The following PLOD1 variants were observed in gnomAD, a reference collection of about 807,000 sequenced individuals.
PLOD1 encodes the protein procollagen-lysine,2-oxoglutarate 5-dioxygenase 1.
A neutral mutation model predicts 94.7 loss-of-function variants in PLOD1; 70 were observed. The ratio of observed to expected loss-of-function variants is 0.74; its 90% CI spans 0.61 to 0.90. The LOEUF (loss-of-function observed/expected upper bound fraction) is 0.90, where lower values mean the gene tolerates loss of function less well. PLOD1 is among the 40% of genes least tolerant of loss of function. The pLI, the probability that PLOD1 is intolerant of heterozygous loss-of-function variation, is 0.00. For missense variants in PLOD1, 905 were observed against 972.7 expected, an observed-to-expected ratio of 0.93 and a Z score of 0.93; for synonymous variants, 417 against 400.2, an observed-to-expected ratio of 1.04 and a Z score of -0.50.
At chr1:11,971,358 T>C (rs2100765492) in intron 17 of PLOD1, among the ~76,000 whole-genome samples, 1 of 146,830 alleles carries the variant, frequency 6.8e-6, no homozygotes, top group South Asian at 2.2e-4. Flanking sequence ...GGATATTTGG[T>C]CCCCAGGCAG....
intron 10 of PLOD1, among the ~76,000 whole-genome samples, chr1:11,962,657 A>G (rs1645787147): frequency 6.6e-6 from 1 of 151,978 alleles, no homozygotes; most frequent in Non-Finnish European, 1.5e-5. Flanking sequence ...TTGGGAGGCC[A>G]AGGATTGCTT....
intron 1 of PLOD1, among the ~76,000 whole-genome samples, chr1:11,947,256 C>A (rs1237558152): frequency 1.4e-5 from 2 of 140,502 alleles, no homozygotes; most frequent in Non-Finnish European, 3.1e-5. Context: ...AAAACAAAAA[C>A]AAACAAACAA....
chr1:11,962,567 C>T (rs1023400030), intron 10 of PLOD1, among the ~76,000 whole-genome samples: 5 of 152,116 alleles, frequency 3.3e-5, no homozygotes, highest in Non-Finnish European at 5.9e-5. Flanking sequence ...TGAGCCACCA[C>T]GCCCTGCCGA....
intron 1 of PLOD1, among the ~76,000 whole-genome samples, chr1:11,935,532 T>G (rs999512857): frequency 4.6e-5 from 7 of 152,186 alleles, no homozygotes; most frequent in Non-Finnish European, 8.8e-5. Flanking sequence ...AGTTATTTAT[T>G]TATTTTTGAG....
chr1:11,956,181 C>G (rs1462013079), intron 6 of PLOD1, among the ~76,000 whole-genome samples: 1 of 151,952 alleles, frequency 6.6e-6, no homozygotes, highest in African/African-American at 2.4e-5. Flanking sequence ...GTCATGAGTT[C>G]AAGACCAGCC....
intron 1 of PLOD1, among the ~76,000 whole-genome samples, chr1:11,946,679 A>G (rs1396820610): frequency 6.6e-6 from 1 of 152,174 alleles, no homozygotes; most frequent in Non-Finnish European, 1.5e-5. Context: ...CACACCCTCT[A>G]AAGCCAGAAA....
intron 1 of PLOD1, among the ~76,000 whole-genome samples, chr1:11,942,865 C>T (rs1358837217): frequency 1.3e-5 from 2 of 152,212 alleles, no homozygotes; most frequent in Non-Finnish European, 2.9e-5. Flanking sequence ...TCTTGTGATG[C>T]TGATGTGTGG....
At chr1:11,945,573 C>T (rs1179469980) in intron 1 of PLOD1, among the ~76,000 whole-genome samples, 1 of 152,108 alleles carries the variant, frequency 6.6e-6, no homozygotes, top group African/African-American at 2.4e-5. Context: ...GGAGAGACCC[C>T]CTCCAGTTGG....
chr1:11,958,523 C>T lies in PLOD1; in HGVS notation c.851C>T (p.Ala284Val). 7 of 1,613,762 alleles carry T rather than the reference C, an allele frequency of 4.3e-6. No individual in the cohort carries two copies. The highest frequency in any genetic ancestry group is 5.9e-6 in the Non-Finnish European group (7 of 1,179,914). ...CCGCCCTCCCTGGTGCAGGATGAAGCTCTGCCCACGGTCCTGGTCGGCGTG... is the reference window on the plus strand; with the variant it reads ...CCGCCCTCCCTGGTGCAGGATGAAGTTCTGCCCACGGTCCTGGTCGGCGTG... ...LRSLKGIGDE[A>V]LPTVLVGVFI... The change falls in exon 9 of 19, where the codon GCT becomes GTT. Residue 284 changes from alanine (A) to valine (V), a missense_variant. Transcript: ENST00000196061. This position sits in a 1 kb window ranked among gnomAD's most constrained non-coding sequence, Gnocchi z 4.3.
intron 1 of PLOD1, chr1:11,944,805 C>A: frequency 2.0e-6 from 1 of 498,006 alleles, no homozygotes. Flanking sequence ...CCGGCTACCC[C>A]TGCCCCAGCT....
At chr1:11,956,821 ACT>A in intron 6 of PLOD1, 94 bp from the exon 7 acceptor site, 1 of 800,456 alleles carries the variant, frequency 1.2e-6, no homozygotes, top group Non-Finnish European at 2.3e-6. Context: ...GACATAATCT[ACT>A]CACTGCACAG....
At chr1:11,952,037 C>T (rs984204921) in intron 4 of PLOD1, among the ~76,000 whole-genome samples, 44 of 152,230 alleles carry the variant, frequency 2.9e-4, no homozygotes, top group African/African-American at 1.1e-3. Flanking sequence ...TGCCATCTGC[C>T]CTCAACAGAC....
At chr1:11,960,169 A>C (rs1645767974) in intron 9 of PLOD1, among the ~76,000 whole-genome samples, 1 of 152,002 alleles carries the variant, frequency 6.6e-6, no homozygotes, top group Admixed American at 6.6e-5. Flanking sequence ...ACGTGGTTTC[A>C]CCATCTTGGC....
At chr1:11,956,035 T>G (rs1438750279) in intron 6 of PLOD1, among the ~76,000 whole-genome samples, 1 of 152,094 alleles carries the variant, frequency 6.6e-6, no homozygotes, top group African/African-American at 2.4e-5. Flanking sequence ...GTGCTGGGAT[T>G]ACAGGTGTGC....
intron 1 of PLOD1, among the ~76,000 whole-genome samples, chr1:11,945,761 T>C (rs1645649167): frequency 6.6e-6 from 1 of 152,166 alleles, no homozygotes; most frequent in Admixed American, 6.5e-5. Context: ...CAGGCTGGAG[T>C]GCAGTGGTGC....
chr1:11,950,955 G>A (rs1645696625), intron 4 of PLOD1, among the ~76,000 whole-genome samples: 3 of 152,024 alleles, frequency 2.0e-5, no homozygotes, highest in South Asian at 4.1e-4. Flanking sequence ...CACTATGCCC[G>A]GCTAATTTTT....
chr1:11,964,859 C>T, intron 13 of PLOD1, 74 bp downstream of exon 13: 1 of 1,514,612 alleles, frequency 6.6e-7, no homozygotes, highest in Non-Finnish European at 9.1e-7. Context: ...AGCTCTGACC[C>T]TCATGGTGGG....
Position 11,951,239 on chromosome 1 carries a change from T to G in PLOD1, c.466+719T>G, listed in dbSNP as rs182154296. ...CTACCCTCATGCCCTTCCAGGCCAT[T>G]CTCCATCCAGCAGCCAGAGGTGTCT... On this transcript the variant is annotated intron_variant, in intron 4 of 18. Transcript: ENST00000196061. Among the ~76,000 whole-genome samples, 233 of 152,308 alleles carry G rather than the reference T, an allele frequency of 1.5e-3. 1 individual carries two copies. The highest frequency in any genetic ancestry group is 5.1e-3 in the African/African-American group (210 of 41,576).
intron 1 of PLOD1, chr1:11,944,590 G>T: frequency 7.3e-7 from 1 of 1,362,398 alleles, no homozygotes; most frequent in Non-Finnish European, 9.8e-7. Flanking sequence ...AGACTTCACC[G>T]TCCTGGCAGG....
Sources: gnomAD v4.1 joint callset for allele counts (sites outside exome capture counted in the v4.1 genomes callset) on GRCh38, gnomAD v4.1.1 for gene constraint, Gnocchi (gnomAD v3.1) non-coding constraint, MANE v1.5 for transcripts, NCBI Gene and HGNC (gene_info 2026-07-23, HGNC 2026-07-21) for gene names.